Variants in AFG2A observed in about 807,000 individuals in gnomAD.
The protein encoded by AFG2A is ATPase family gene 2 protein homolog A.
the AFG2A span, among the ~76,000 whole-genome samples, chr4:123,146,049 G>C: frequency 6.6e-6 from 1 of 152,066 alleles, no homozygotes. Context: ...AGATTGATTT[G>C]CTGTCATGAA....
the AFG2A span, among the ~76,000 whole-genome samples, chr4:123,078,370 G>A: frequency 2.0e-5 from 3 of 152,172 alleles, no homozygotes; most frequent in Non-Finnish European, 4.4e-5. Flanking sequence ...CTGTACATAT[G>A]AGGTGTGTAG....
the AFG2A span, among the ~76,000 whole-genome samples, chr4:123,224,282 A>T: frequency 6.6e-6 from 1 of 152,034 alleles, no homozygotes; most frequent in South Asian, 2.1e-4. Context: ...ACATATGTAT[A>T]CATGTGCCAT....
At chr4:123,104,208 A>G in the AFG2A span, among the ~76,000 whole-genome samples, 5 of 152,228 alleles carry the variant, frequency 3.3e-5, no homozygotes, top group East Asian at 7.7e-4. Context: ...TAATATTTCA[A>G]TCTTCCTCAT....
the AFG2A span, among the ~76,000 whole-genome samples, chr4:122,930,239 C>T: frequency 6.6e-6 from 1 of 152,170 alleles, no homozygotes; most frequent in South Asian, 2.1e-4. Flanking sequence ...TAAGGTATAT[C>T]ATCCATCCTC....
At chr4:123,300,364 A>T in the AFG2A span, among the ~76,000 whole-genome samples, 1 of 152,152 alleles carries the variant, frequency 6.6e-6, no homozygotes, top group African/African-American at 2.4e-5. Flanking sequence ...GTTACCTCAC[A>T]TATATAATTT....
At chr4:123,262,388 G>T in the AFG2A span, among the ~76,000 whole-genome samples, 1 of 152,194 alleles carries the variant, frequency 6.6e-6, no homozygotes, top group Non-Finnish European at 1.5e-5. Flanking sequence ...TCAAGCAAAA[G>T]AAATTGGCTT....
chr4:123,190,916 T>C, the AFG2A span, among the ~76,000 whole-genome samples: 9 of 152,204 alleles, frequency 5.9e-5, no homozygotes, highest in African/African-American at 2.2e-4. Context: ...CATCTATTTG[T>C]TACCTGAAAA....
chr4:123,027,753 A>G, the AFG2A span, among the ~76,000 whole-genome samples: 2 of 152,300 alleles, frequency 1.3e-5, no homozygotes, highest in South Asian at 2.1e-4. Flanking sequence ...GATAAAAATG[A>G]TTGTGTGTTC....
chr4:123,210,759 C>G, the AFG2A span, among the ~76,000 whole-genome samples: 3 of 151,878 alleles, frequency 2.0e-5, no homozygotes, highest in African/African-American at 4.8e-5. Context: ...TTTTGAGGAC[C>G]CTCTGTGCTG....
the AFG2A span, among the ~76,000 whole-genome samples, chr4:123,170,711 A>G: frequency 6.6e-6 from 1 of 152,220 alleles, no homozygotes; most frequent in Non-Finnish European, 1.5e-5. Context: ...TGAGGCAAAC[A>G]GCTTTTTTCC....
At chr4:123,123,901 G>A in the AFG2A span, among the ~76,000 whole-genome samples, 4 of 137,862 alleles carry the variant, frequency 2.9e-5, no homozygotes, top group Non-Finnish European at 6.1e-5. Context: ...GCAGTGAGTC[G>A]AGATCGCGCC....
chr4:123,207,090 G>A, the AFG2A span, among the ~76,000 whole-genome samples: 5 of 152,042 alleles, frequency 3.3e-5, no homozygotes, highest in Admixed American at 6.6e-5. Context: ...AGAGGAAAAC[G>A]AATTAATGAG....
chr4:123,034,735 A>C, the AFG2A span, among the ~76,000 whole-genome samples: 1 of 152,196 alleles, frequency 6.6e-6, no homozygotes, highest in Non-Finnish European at 1.5e-5. Flanking sequence ...GTGGGTGGGC[A>C]TATGCGAGCT....
the AFG2A span, among the ~76,000 whole-genome samples, chr4:123,311,810 C>T: frequency 1.3e-5 from 2 of 150,262 alleles, no homozygotes; most frequent in Non-Finnish European, 2.9e-5. Context: ...GTATTAGGCT[C>T]CCTGAGGTTC....
the AFG2A span, among the ~76,000 whole-genome samples, chr4:123,302,052 G>A: frequency 6.6e-6 from 1 of 152,150 alleles, no homozygotes; most frequent in Non-Finnish European, 1.5e-5. Context: ...AGGGCTGGCA[G>A]TAAAGAAGTC....
At chr4:123,266,527 T>C in the AFG2A span, among the ~76,000 whole-genome samples, 5 of 152,088 alleles carry the variant, frequency 3.3e-5, no homozygotes, top group African/African-American at 9.6e-5. Context: ...AAATGTTTCA[T>C]GTATATGTCT....
At chr4:123,010,679 C>T in the AFG2A span, among the ~76,000 whole-genome samples, 3 of 152,186 alleles carry the variant, frequency 2.0e-5, no homozygotes, top group Non-Finnish European at 2.9e-5. Context: ...AAAAATGGTA[C>T]AATTAGGTAA....
At chr4:123,060,473 C>T in the AFG2A span, among the ~76,000 whole-genome samples, 4 of 152,226 alleles carry the variant, frequency 2.6e-5, no homozygotes, top group Non-Finnish European at 4.4e-5. Context: ...TTCTGCACAA[C>T]CGCAGGCTCA....
At chr4:122,944,283 T>C in the AFG2A span, among the ~76,000 whole-genome samples, 3 of 151,970 alleles carry the variant, frequency 2.0e-5, no homozygotes, top group East Asian at 1.9e-4. Context: ...CAATCAGACG[T>C]AGATTTGGTC....
Sources: gnomAD v4.1 joint callset for allele counts (sites outside exome capture counted in the v4.1 genomes callset) on GRCh38, gnomAD v4.1.1 for gene constraint, MANE v1.5 for transcripts, NCBI Gene and HGNC (gene_info 2026-07-23, HGNC 2026-07-21) for gene names.